NLGN4X: variants seen among roughly 807,000 people sequenced by gnomAD.
NLGN4X encodes neuroligin-4, X-linked.
Under a neutral mutation model 40.3 loss-of-function variants are expected in NLGN4X, and 3 were observed. The observed-to-expected ratio is 0.07, with a 90% CI of 0.03 to 0.19. The LOEUF is 0.19. NLGN4X is among the 10% of genes least tolerant of loss of function. NLGN4X has a pLI of 1.00. For synonymous variants in NLGN4X, 270 were observed against 306.8 expected, an observed-to-expected ratio of 0.88 and a Z score of 1.25; for missense variants, 382 against 708.3, an observed-to-expected ratio of 0.54 and a Z score of 5.23.
chrX:6,226,888 C>A (rs1300128841), intron 1 of NLGN4X: 1 of 122,181 alleles, frequency 8.2e-6, no homozygotes, highest in African/African-American at 3.2e-5. Flanking sequence ...ACCTCATCCC[C>A]GCTCGCGCTT....
At chrX:6,175,304 T>C (rs1247982662) in intron 1 of NLGN4X, among the ~76,000 whole-genome samples, 1 of 111,158 alleles carries the variant, frequency 9.0e-6, no homozygotes, top group East Asian at 2.8e-4. Context: ...AAATTATCTC[T>C]GTATTTCTGC....
At chrX:6,048,011 C>G (rs1019429084) in intron 2 of NLGN4X, among the ~76,000 whole-genome samples, 8 of 111,794 alleles carry the variant, frequency 7.2e-5, no homozygotes, top group Admixed American at 2.8e-4. Flanking sequence ...GTCATGGGTT[C>G]TGTTCTTGGT....
At chrX:6,133,865 G>A (rs1285594278) in intron 2 of NLGN4X, among the ~76,000 whole-genome samples, 1 of 111,798 alleles carries the variant, frequency 8.9e-6, no homozygotes, top group South Asian at 3.7e-4. Flanking sequence ...TTAAAATAAA[G>A]GGTAAGATAG....
In NLGN4X at chrX:6,143,000, T is replaced by A. The variant is rs776661108; in HGVS notation, c.472+7995A>T. Among the ~76,000 whole-genome samples, 293 of 112,236 alleles carry A rather than the reference T, an allele frequency of 2.6e-3. 1 individual carries two copies. Among genetic ancestry groups the A allele is most frequent in the Non-Finnish European group, 4.7e-3 (253 of 53,292 alleles). ...GCTTACCCCTCTACTACTACAATAG[T>A]TATGTCACAGACGTTCAACATTTAT... On this transcript the variant is annotated intron_variant, in intron 2 of 5. Transcript: ENST00000381095.
At chrX:6,115,725 A>C (rs920795118) in intron 2 of NLGN4X, among the ~76,000 whole-genome samples, 14 of 111,759 alleles carry the variant, frequency 1.3e-4, no homozygotes, top group African/African-American at 3.9e-4. Context: ...TGTTTTTAGA[A>C]CTGGAGAGGT....
chrX:6,186,682 G>A (rs1922040680), intron 1 of NLGN4X: 1 of 111,476 alleles, frequency 9.0e-6, no homozygotes, highest in South Asian at 3.7e-4. Context: ...GAATGAAAAC[G>A]TTCCTTAAAA....
intron 2 of NLGN4X, among the ~76,000 whole-genome samples, chrX:6,032,979 C>A (rs1177729442): frequency 9.0e-6 from 1 of 110,610 alleles, no homozygotes; most frequent in Non-Finnish European, 1.9e-5. Flanking sequence ...CAAAATGTTA[C>A]TTGCAAAAAA....
chrX:6,091,039 TGGAA>T (rs1177602572), intron 2 of NLGN4X, among the ~76,000 whole-genome samples: 8 of 47,757 alleles, frequency 1.7e-4, no homozygotes, highest in South Asian at 3.1e-3. Context: ...AAGGAAAAAA[TGGAA>T]GGAAGGAAGG....
At chrX:6,210,457 G>C (rs1397853680) in intron 1 of NLGN4X, among the ~76,000 whole-genome samples, 1 of 111,134 alleles carries the variant, frequency 9.0e-6, no homozygotes, top group African/African-American at 3.3e-5. Flanking sequence ...ATGGGCGACA[G>C]AGCGAGACCC....
intron 2 of NLGN4X, among the ~76,000 whole-genome samples, chrX:6,127,477 C>T (rs868226138): frequency 2.7e-5 from 3 of 112,019 alleles, no homozygotes; most frequent in Admixed American, 9.4e-5. Flanking sequence ...GGCGTGGTGG[C>T]GTGTGCCTGT....
rs1231582100 is a variant in NLGN4X at position 5,890,961 on chromosome X, T to C, written c.*1856A>G. 1 of 312,542 alleles carries C rather than the reference T, an allele frequency of 3.2e-6. No individual in the cohort carries two copies. The highest frequency in any genetic ancestry group is 6.1e-6 in the Non-Finnish European group (1 of 164,091). 25.8% of individuals were successfully genotyped at this position (312,542 alleles called of 1,213,427 possible). On this transcript the variant is annotated 3_prime_UTR_variant, in exon 6 of 6. Coordinates refer to ENST00000381095, the MANE Select transcript of NLGN4X (RefSeq NM_181332.3). The stretch of plus-strand genomic sequence containing the variant: ...AGCTGGACAATTTTTATGGGGAATG[T>C]CCACTTTAGCGGAGAGATTTAAGAC...
chrX:6,121,876 C>A (rs150283471), intron 2 of NLGN4X, among the ~76,000 whole-genome samples: 1 of 112,452 alleles, frequency 8.9e-6, no homozygotes, highest in African/African-American at 3.2e-5. Flanking sequence ...ACTGTCTGGG[C>A]GGATCAATGC....
At chrX:5,929,645 A>C (rs1345770755) in intron 3 of NLGN4X, among the ~76,000 whole-genome samples, 1 of 112,539 alleles carries the variant, frequency 8.9e-6, no homozygotes, top group Non-Finnish European at 1.9e-5. Context: ...TTAAGCTTAC[A>C]TGTATAACTA....
chrX:6,214,034 G>A (rs774952840), intron 1 of NLGN4X, among the ~76,000 whole-genome samples: 6 of 112,010 alleles, frequency 5.4e-5, no homozygotes, highest in East Asian at 2.8e-4. Context: ...TGACAAGGTC[G>A]TCAAGCTGTT....
chrX:6,101,791 T>C (rs907074530), intron 2 of NLGN4X, among the ~76,000 whole-genome samples: 7 of 105,581 alleles, frequency 6.6e-5, no homozygotes, highest in African/African-American at 1.0e-4. Context: ...GTCAATACTA[T>C]AGTCAATAGT....
intron 3 of NLGN4X, among the ~76,000 whole-genome samples, chrX:6,012,213 A>G (rs2036272038): frequency 8.9e-6 from 1 of 112,749 alleles, no homozygotes; most frequent in Non-Finnish European, 1.9e-5. Context: ...GGAAGTGTGA[A>G]ATATAGCTTT....
chrX:6,226,474 C>T (rs912659258), intron 1 of NLGN4X, among the ~76,000 whole-genome samples: 3 of 111,355 alleles, frequency 2.7e-5, no homozygotes, highest in Non-Finnish European at 3.8e-5. Context: ...CCTGCTCCCG[C>T]CCCCGCCGCT....
chrX:5,922,284 C>T (rs2033100598), intron 3 of NLGN4X, among the ~76,000 whole-genome samples: 1 of 110,997 alleles, frequency 9.0e-6, no homozygotes, highest in Non-Finnish European at 1.9e-5. Flanking sequence ...TTCCATAGCA[C>T]TGCAGGGTGA....
At chrX:6,109,183 T>C (rs1404963799) in intron 2 of NLGN4X, among the ~76,000 whole-genome samples, 11 of 111,245 alleles carry the variant, frequency 9.9e-5, no homozygotes, top group African/African-American at 3.6e-4. Context: ...GGAGGGTCGT[T>C]TGAGCCCAGG....
Sources: gnomAD v4.1 joint callset for allele counts (sites outside exome capture counted in the v4.1 genomes callset) on GRCh38, gnomAD v4.1.1 for gene constraint, MANE v1.5 for transcripts, NCBI Gene and HGNC (gene_info 2026-07-23, HGNC 2026-07-21) for gene names.